The following VAV3 variants were observed in gnomAD, a reference collection of about 807,000 sequenced individuals.
VAV3 encodes the protein guanine nucleotide exchange factor VAV3.
In VAV3, 94 loss-of-function variants were observed where a neutral mutation model predicts 131.2. The observed-to-expected ratio is 0.72, with a 90% CI of 0.61 to 0.85. The LOEUF is 0.85. Among genes scored for constraint, VAV3 ranks in the 40% least tolerant of loss-of-function variants. VAV3 has a pLI of 0.00. For missense variants in VAV3, 939 were observed against 1,002.7 expected (o/e 0.94, Z 0.86); for synonymous variants, 349 against 342.0 (o/e 1.02, Z -0.22).
At chr1:107,780,618 T>C (rs2102230192) in intron 2 of VAV3, among the ~76,000 whole-genome samples, 1 of 152,218 alleles carries the variant, frequency 6.6e-6, no homozygotes, top group Admixed American at 6.5e-5. Context: ...CAGGTTCAAG[T>C]GATTGTCATG....
At position 107,610,091 on chromosome 1, in the gene VAV3, AT is replaced by A; in HGVS notation, c.1981-127del. 5 of 722,816 alleles carry A rather than the reference AT, an allele frequency of 6.9e-6. No homozygotes were observed. In the South Asian group the frequency reaches 9.6e-5, roughly 14 times the overall value. 44.8% of individuals were successfully genotyped at this position (722,816 alleles called of 1,614,324 possible). ...AAGTGGCACAGTCCTGGAACTATCC[AT>A]TGGTAATTTTATACAGAGTGAATCA... is the stretch of plus-strand genomic sequence containing the variant. On this transcript the variant is annotated intron_variant, in intron 21 of 26. Coordinates refer to ENST00000370056, the MANE Select transcript of VAV3 (RefSeq NM_006113.5).
intron 10 of VAV3, among the ~76,000 whole-genome samples, chr1:107,757,922 C>A (rs1261379623): frequency 1.3e-5 from 2 of 152,118 alleles, no homozygotes; most frequent in Admixed American, 1.3e-4. Flanking sequence ...TCAACTATCA[C>A]CTCATGGGCC....
intron 2 of VAV3, among the ~76,000 whole-genome samples, chr1:107,835,174 G>T (rs1412264344): frequency 1.3e-5 from 2 of 152,116 alleles, no homozygotes; most frequent in Non-Finnish European, 2.9e-5. Context: ...TCCACCAGCC[G>T]CTATCAAGGC....
At chr1:107,914,210 A>AG (rs1481618695) in intron 1 of VAV3, among the ~76,000 whole-genome samples, 1 of 152,232 alleles carries the variant, frequency 6.6e-6, no homozygotes, top group Admixed American at 6.5e-5. Flanking sequence ...CCAGCAATAG[A>AG]GGGGACAAAC....
At position 107,964,837 on chromosome 1, in the gene VAV3, G is replaced by A; in HGVS notation, c.33C>T (p.Leu11=). Residue 11 remains leucine, a synonymous_variant, in exon 1 of 27, where the codon CTC becomes CTT. Coordinates refer to ENST00000370056, the MANE Select transcript of VAV3 (RefSeq NM_006113.5). ...TGGTGGGCAGCACCTTGCAATGGAT[G>A]AGCCACTGCGCGCACTGCTTCCACG... is the stretch of plus-strand genomic sequence containing the variant. MEPWKQCAQW[L]IHCKVLPTNH... 1.2e-6 allele frequency: 2 copies of A among 1,611,908 alleles called. No individual in the cohort carries two copies. The highest frequency in any genetic ancestry group is 8.5e-7 in the Non-Finnish European group (1 of 1,179,118).
intron 20 of VAV3, among the ~76,000 whole-genome samples, chr1:107,629,109 G>A (rs1397159525): frequency 6.6e-6 from 1 of 152,090 alleles, no homozygotes; most frequent in Non-Finnish European, 1.5e-5. Flanking sequence ...TCTCCCTGTG[G>A]AACATTTGGA....
chr1:107,581,083 G>T (rs1408820012), intron 25 of VAV3, among the ~76,000 whole-genome samples: 2 of 152,174 alleles, frequency 1.3e-5, no homozygotes, highest in African/African-American at 2.4e-5. Flanking sequence ...GCATCATGTT[G>T]TTCTGGAAGC....
At chr1:107,933,302 CA>C (rs1360007733) in intron 1 of VAV3, among the ~76,000 whole-genome samples, 2 of 150,232 alleles carry the variant, frequency 1.3e-5, no homozygotes, top group African/African-American at 4.9e-5. Flanking sequence ...TTTTCCAGTA[CA>C]AAAGATAACC....
At chr1:107,750,222 T>C (rs1464364523) in intron 13 of VAV3, among the ~76,000 whole-genome samples, 1 of 152,170 alleles carries the variant, frequency 6.6e-6, no homozygotes, top group Non-Finnish European at 1.5e-5. Flanking sequence ...TCTATATTGT[T>C]CCTCATGATT....
intron 1 of VAV3, among the ~76,000 whole-genome samples, chr1:107,940,895 A>G (rs983142777): frequency 9.2e-5 from 14 of 152,128 alleles, no homozygotes; most frequent in African/African-American, 3.4e-4. Flanking sequence ...GATGGTGGTG[A>G]TGATTGCACA....
chr1:107,952,469 T>TTATATATATATATATATATATATAC (rs1674592827), intron 1 of VAV3, among the ~76,000 whole-genome samples: 1 of 3,846 alleles, frequency 2.6e-4, no homozygotes, highest in African/African-American at 3.5e-4. Context: ...AACAAAACTT[T>TTATATATATATATATATATATATAC]ATATATATAT....
intron 1 of VAV3, among the ~76,000 whole-genome samples, chr1:107,952,672 C>T (rs76327812): frequency 0.1 from 15,507 of 151,170 alleles, 1,449 homozygotes; most frequent in African/African-American, 0.25. Flanking sequence ...CTAACCCAAA[C>T]GGCTCCCTTC....
chr1:107,784,693 T>C (rs1665889024), intron 2 of VAV3, among the ~76,000 whole-genome samples: 1 of 152,242 alleles, frequency 6.6e-6, no homozygotes, highest in Non-Finnish European at 1.5e-5. Flanking sequence ...GATTCTTCAC[T>C]GTTGTATTTC....
At chr1:107,666,479 C>T (rs765706835) in intron 19 of VAV3, among the ~76,000 whole-genome samples, 1 of 152,010 alleles carries the variant, frequency 6.6e-6, no homozygotes, top group African/African-American at 2.4e-5. Flanking sequence ...ATGTCTGGAC[C>T]AGGAGCCACT....
intron 19 of VAV3, among the ~76,000 whole-genome samples, chr1:107,644,960 CA>C (rs1655629948): frequency 1.5e-5 from 1 of 65,342 alleles, no homozygotes; most frequent in African/African-American, 3.7e-5. Flanking sequence ...CTCGAGTATA[CA>C]GAGTATACAC....
intron 2 of VAV3, among the ~76,000 whole-genome samples, chr1:107,788,084 T>G (rs978247284): frequency 6.6e-6 from 1 of 152,178 alleles, no homozygotes; most frequent in African/African-American, 2.4e-5. Context: ...TCTCCTCCCA[T>G]GCCTCTGCTA....
intron 4 of VAV3, among the ~76,000 whole-genome samples, chr1:107,774,436 C>G (rs140577154): frequency 8.5e-5 from 13 of 152,310 alleles, no homozygotes; most frequent in Middle Eastern, 6.8e-3. Flanking sequence ...TGCAAGTGCA[C>G]AAACGCAAAC....
rs191787747 is a variant in VAV3, at chr1:107,904,739, A to G, written c.205-29722T>C. Among the ~76,000 whole-genome samples, 223 of 152,098 alleles carry G rather than the reference A, an allele frequency of 1.5e-3. 4 individuals are homozygous for G. The highest frequency in any genetic ancestry group is 2.5e-4 in the Non-Finnish European group (17 of 68,026). On this transcript the variant is annotated intron_variant, in intron 1 of 26. Coordinates refer to ENST00000370056, the MANE Select transcript of VAV3 (RefSeq NM_006113.5). ...ATATAGATCAGTAAACTAAAAATGC[A>G]TAGAAGAAAAATTTCTCTACCATCA...
intron 1 of VAV3, among the ~76,000 whole-genome samples, chr1:107,950,164 C>T (rs1205003579): frequency 6.6e-6 from 1 of 152,124 alleles, no homozygotes; most frequent in Non-Finnish European, 1.5e-5. Context: ...TAGTGTCCAA[C>T]TTCTCAGAAT....
Sources: allele counts gnomAD v4.1 joint callset (sites outside exome capture counted in the v4.1 genomes callset), GRCh38; gene constraint gnomAD v4.1.1; transcripts MANE v1.5; gene names NCBI Gene and HGNC (gene_info 2026-07-23, HGNC 2026-07-21).